The following CMSS1 variants were observed in gnomAD, a reference collection of about 807,000 sequenced individuals.
CMSS1 encodes the protein protein CMSS1.
Under a neutral mutation model 43.5 loss-of-function variants are expected in CMSS1, and 33 were observed. The ratio of observed to expected loss-of-function variants is 0.76; its 90% CI spans 0.57 to 1.01. The LOEUF (loss-of-function observed/expected upper bound fraction) is 1.01. Ranked by LOEUF, CMSS1 falls within the 50% of genes least tolerant of loss-of-function variation. CMSS1 has a pLI of 0.00. For synonymous variants in CMSS1, 115 were observed against 117.2 expected (o/e 0.98, Z 0.12); for missense variants, 313 against 326.4 (o/e 0.96, Z 0.32).
At chr3:99,911,844 TAGTTCCA>T (rs1032557759) in intron 1 of CMSS1, among the ~76,000 whole-genome samples, 1 of 152,176 alleles carries the variant, frequency 6.6e-6, no homozygotes, top group Admixed American at 6.5e-5. Context: ...TCCTAGTTCC[TAGTTCCA>T]AGCATAGTGT....
intron 1 of CMSS1, among the ~76,000 whole-genome samples, chr3:99,920,925 T>C (rs1315698599): frequency 6.6e-6 from 1 of 152,218 alleles, no homozygotes; most frequent in African/African-American, 2.4e-5. Context: ...ACACTTAGAA[T>C]GTGAGCAGTA....
At chr3:99,927,233 T>C (rs1300202046) in intron 1 of CMSS1, among the ~76,000 whole-genome samples, 3 of 152,234 alleles carry the variant, frequency 2.0e-5, no homozygotes, top group Non-Finnish European at 4.4e-5. Context: ...ACTAAATGAA[T>C]AAAATTAAAT....
At chr3:99,846,818 A>G (rs1943385581) in intron 1 of CMSS1, among the ~76,000 whole-genome samples, 1 of 152,236 alleles carries the variant, frequency 6.6e-6, no homozygotes, top group Non-Finnish European at 1.5e-5. Flanking sequence ...AATTGTATTT[A>G]AAATCAATAA....
At chr3:99,926,323 T>C (rs1355966980) in intron 1 of CMSS1, among the ~76,000 whole-genome samples, 3 of 152,270 alleles carry the variant, frequency 2.0e-5, no homozygotes, top group African/African-American at 7.2e-5. Flanking sequence ...ATTTTTAATG[T>C]AGCCAGTCCT....
At chr3:99,902,256 C>T (rs1006205584) in intron 1 of CMSS1, among the ~76,000 whole-genome samples, 3 of 152,134 alleles carry the variant, frequency 2.0e-5, no homozygotes, top group Non-Finnish European at 4.4e-5. Flanking sequence ...GGTCTCTTGA[C>T]AACCAAAAGT....
At chr3:100,160,531 G>C in intron 3 of CMSS1, 30 bp downstream of exon 3, 1 of 1,061,502 alleles carries the variant, frequency 9.4e-7, no homozygotes, top group South Asian at 1.3e-5. Flanking sequence ...AAATTTGTAT[G>C]GCCCCACATG....
chr3:99,819,123 T>C (rs755471098), intron 1 of CMSS1, among the ~76,000 whole-genome samples: 9 of 152,252 alleles, frequency 5.9e-5, no homozygotes. Context: ...CTTCATTTGT[T>C]GCATTGTTTC....
chr3:100,014,891 C>CTTTTTTT (rs1710284139), intron 1 of CMSS1, among the ~76,000 whole-genome samples: 1 of 27,226 alleles, frequency 3.7e-5, no homozygotes, highest in Non-Finnish European at 6.9e-5. Context: ...TTTTTTCTTT[C>CTTTTTTT]TTTCTTTTTT....
chr3:100,115,658 G>A (rs980163511), intron 1 of CMSS1, among the ~76,000 whole-genome samples: 2 of 138,154 alleles, frequency 1.4e-5, no homozygotes, highest in South Asian at 2.4e-4. Flanking sequence ...CTTTCCACCC[G>A]TGAGTTTATT....
At chr3:100,047,883 A>G (rs911470528) in intron 1 of CMSS1, among the ~76,000 whole-genome samples, 2 of 152,126 alleles carry the variant, frequency 1.3e-5, no homozygotes, top group Admixed American at 1.3e-4. Flanking sequence ...TGGGCGAAAA[A>G]TGATAGGATG....
chr3:100,092,706 C>A (rs1364750908), intron 1 of CMSS1, among the ~76,000 whole-genome samples: 1 of 148,382 alleles, frequency 6.7e-6, no homozygotes, highest in African/African-American at 2.5e-5. Flanking sequence ...TAGGTTCTCC[C>A]TTTAGAGAAA....
chr3:100,048,095 C>T (rs571720307), intron 1 of CMSS1, among the ~76,000 whole-genome samples: 1 of 152,288 alleles, frequency 6.6e-6, no homozygotes, highest in East Asian at 1.9e-4. Flanking sequence ...AGCCACAATC[C>T]AAGTCCACTT....
chr3:99,883,749 A>G lies in CMSS1; in HGVS notation c.64+65706A>G, dbSNP rs1417939078. Among the ~76,000 whole-genome samples the G allele has an allele frequency of 2.6e-5, 4 of 152,214 alleles. No individual in the cohort carries two copies. The East Asian group carries it at 5.8e-4, about 22-fold the overall frequency. ...TAACAAAAACAATAATAGGTGACACATTTAATGTTTAATTGATGTCAGACA... is the reference window on the plus strand; with the variant it reads ...TAACAAAAACAATAATAGGTGACACGTTTAATGTTTAATTGATGTCAGACA... On this transcript the variant is annotated intron_variant, in intron 1 of 9. Coordinates refer to ENST00000421999, the MANE Select transcript of CMSS1 (RefSeq NM_032359.4).
At chr3:100,055,187 C>G (rs935477798) in intron 1 of CMSS1, among the ~76,000 whole-genome samples, 4 of 152,216 alleles carry the variant, frequency 2.6e-5, no homozygotes, top group African/African-American at 9.6e-5. Context: ...TCGTCCTACT[C>G]TTATCAATTT....
Position 100,171,841 on chromosome 3 carries a change from C to T in CMSS1, c.521C>T (p.Ser174Leu), listed in dbSNP as rs751543217. The change falls in exon 7 of 10, where the codon TCG becomes TTG. Residue 174 changes from serine (S) to leucine (L), a missense_variant and splice_region_variant. Ser to Leu is a moderately radical substitution (Grantham distance 145). Coordinates refer to ENST00000421999, the MANE Select transcript of CMSS1 (RefSeq NM_032359.4). ...SAVRALELIR[S>L]MTAFRGDGKV... ...ATTCACCTGCTTCTTTTCATTAGGTCGATGACAGCATTCAGAGGAGACGGC... is the reference window on the plus strand; with the variant it reads ...ATTCACCTGCTTCTTTTCATTAGGTTGATGACAGCATTCAGAGGAGACGGC... The T allele has an allele frequency of 1.2e-6, 2 of 1,613,572 alleles. No individual in the cohort carries two copies. Among genetic ancestry groups the T allele is most frequent in the Non-Finnish European group, 1.7e-6 (2 of 1,179,690 alleles).
intron 1 of CMSS1, among the ~76,000 whole-genome samples, chr3:99,979,933 A>AT (rs1709072700): frequency 6.6e-6 from 1 of 152,166 alleles, no homozygotes; most frequent in Non-Finnish European, 1.5e-5. Flanking sequence ...AGGAGAACTA[A>AT]TTTGTGGTTA....
At chr3:99,975,654 CAG>C (rs1708948382) in intron 1 of CMSS1, among the ~76,000 whole-genome samples, 1 of 151,986 alleles carries the variant, frequency 6.6e-6, no homozygotes, top group African/African-American at 2.4e-5. Context: ...GGGTAAACAA[CAG>C]AACTGAGAAA....
rs1442427209 is a variant in CMSS1 at position 99,983,446 on chromosome 3, GTATATATATA to G, written c.65-163523_65-163514del. On this transcript the variant is annotated intron_variant, in intron 1 of 9. Transcript: ENST00000421999. ...TATGTATGTATGTATATATATGTAT[GTATATATATA>G]TATGTGTGTATATATATATATATAT... is the stretch of plus-strand genomic sequence containing the variant. Among the ~76,000 whole-genome samples the G allele has an allele frequency of 3.7e-3, 326 of 87,632 alleles. 15 individuals carry two copies. Among genetic ancestry groups the G allele is most frequent in the African/African-American group, 0.017 (306 of 18,090 alleles). 57.5% of individuals were successfully genotyped at this position (87,632 alleles called of 152,430 possible).
At chr3:99,979,252 TA>T (rs367906084) in intron 1 of CMSS1, among the ~76,000 whole-genome samples, 14 of 152,284 alleles carry the variant, frequency 9.2e-5, no homozygotes, top group Non-Finnish European at 1.8e-4. Context: ...AAAACCACAA[TA>T]TTTTTTTGAA....
Sources: allele counts gnomAD v4.1 joint callset (sites outside exome capture counted in the v4.1 genomes callset), GRCh38; gene constraint gnomAD v4.1.1; transcripts MANE v1.5; gene names NCBI Gene and HGNC (gene_info 2026-07-23, HGNC 2026-07-21).